The following RBBP4 variants were observed in gnomAD, a reference collection of about 807,000 sequenced individuals.
The protein encoded by RBBP4 is histone-binding protein RBBP4.
RBBP4 carries 3 observed loss-of-function variants against 57.2 expected under a neutral mutation model. The ratio of observed to expected loss-of-function variants is 0.05; its 90% CI spans 0.02 to 0.14. RBBP4 has a LOEUF of 0.14. Among genes scored for constraint, RBBP4 ranks in the 10% least tolerant of loss-of-function variants. The probability of loss-of-function intolerance (pLI) is 1.00; values close to 1 mark genes in which losing one functional copy is unlikely to be tolerated. For synonymous variants in RBBP4, 151 were observed against 171.5 expected, an observed-to-expected ratio of 0.88 and a Z score of 0.93; for missense variants, 107 against 520.6, an observed-to-expected ratio of 0.21 and a Z score of 7.73.
At position 32,651,878 on chromosome 1, in the gene RBBP4, T is replaced by G. The variant is rs758028894; in HGVS notation, c.17-36T>G. 2.7e-5 allele frequency: 44 copies of G among 1,604,960 alleles called. No individual in the cohort carries two copies. The South Asian group carries it at 3.7e-4, about 13-fold the overall frequency. ...TGCAGAGGATTACTCGGTTTCCGTT[T>G]GTTTGCTAACTTAAATTTGTTTTTA... On this transcript the variant is annotated intron_variant, in intron 1 of 11. Transcript: ENST00000373493.
intron 11 of RBBP4, among the ~76,000 whole-genome samples, chr1:32,676,944 A>G (rs539544023): frequency 6.6e-6 from 1 of 151,170 alleles, no homozygotes; most frequent in East Asian, 1.9e-4. Context: ...CCCTGTCTCA[A>G]AAAAAAAATA....
rs367655949 is a variant in RBBP4, at chr1:32,652,677, G to A, written c.164+616G>A. On this transcript the variant is annotated intron_variant, in intron 2 of 11. Transcript: ENST00000373493. ...TGCCTAAGCCCTCCCAAGTAGCTGG[G>A]ATTACAGGCACCTGCCACCACGCCT... 1.7e-3 allele frequency among the ~76,000 whole-genome samples: 263 copies of A among 152,178 alleles called. 1 individual carries two copies. The highest frequency in any genetic ancestry group is 5.7e-3 in the African/African-American group (236 of 41,534).
Position 32,672,559 on chromosome 1 carries a change from ATTATTTCCT to A in RBBP4, c.1043+40_1043+48del, listed in dbSNP as rs753744619. The A allele has an allele frequency of 8.8e-6, 14 of 1,595,308 alleles. No homozygotes were observed. The Middle Eastern group carries it at 5.0e-4, about 57-fold the overall frequency. On this transcript the variant is annotated intron_variant, in intron 9 of 11. Transcript: ENST00000373493. ...TTGTATTCATTCCTCTCTCTACATA[ATTATTTCCT>A]TTATTTACACTTTGCAAAGGTAGTT...
At chr1:32,661,213 G>A (rs1032025412) in intron 3 of RBBP4, among the ~76,000 whole-genome samples, 1 of 151,934 alleles carries the variant, frequency 6.6e-6, no homozygotes, top group Non-Finnish European at 1.5e-5. Context: ...ACAAGTGCAC[G>A]TGTCTTTTTT....
chr1:32,678,682 C>T (rs1315736816), intron 11 of RBBP4, among the ~76,000 whole-genome samples: 1 of 136,812 alleles, frequency 7.3e-6, no homozygotes, highest in African/African-American at 2.7e-5. Flanking sequence ...CACCACCTCC[C>T]AGGTTCAATC....
Position 32,669,628 on chromosome 1 carries a change from C to G in RBBP4, c.966+65C>G. ...AAAACCTGCTGGGCGCGGTCGCTCACGCCTGTAATCCCAGCACTTTGGGAG... is the reference window on the plus strand; with the variant it reads ...AAAACCTGCTGGGCGCGGTCGCTCAGGCCTGTAATCCCAGCACTTTGGGAG... On this transcript the variant is annotated intron_variant, in intron 8 of 11. Coordinates refer to ENST00000373493, the MANE Select transcript of RBBP4 (RefSeq NM_005610.3). This position sits in a 1 kb window ranked among gnomAD's most constrained non-coding sequence, Gnocchi z 4.9. 2 of 1,535,056 alleles carry G rather than the reference C, an allele frequency of 1.3e-6. No individual in the cohort carries two copies. The highest frequency in any genetic ancestry group is 1.7e-6 in the Non-Finnish European group (2 of 1,144,728).
intron 1 of RBBP4, 41 bp from the exon 2 acceptor site, chr1:32,651,873 C>T (rs745516689): frequency 1.9e-6 from 3 of 1,598,158 alleles, no homozygotes; most frequent in African/African-American, 1.3e-5. Flanking sequence ...TACTCGGTTT[C>T]CGTTTGTTTG....
intron 2 of RBBP4, 123 bp from the exon 3 acceptor site, chr1:32,657,304 A>G (rs1258283824): frequency 4.4e-6 from 4 of 912,146 alleles, no homozygotes; most frequent in Non-Finnish European, 6.6e-6. Flanking sequence ...AAAGACCCTT[A>G]ATGACTTTTT....
Position 32,684,230 on chromosome 1 carries a change from T to A in RBBP4, c.*4525T>A. ...CACCATCCCCTCAGCCAGTATTAGA[T>A]GAGATTTGTATAGCAGCAGAAACTG... On this transcript the variant is annotated 3_prime_UTR_variant, in exon 12 of 12. Coordinates refer to ENST00000373493, the MANE Select transcript of RBBP4 (RefSeq NM_005610.3). 1 of 1,611,476 alleles carries A rather than the reference T, an allele frequency of 6.2e-7. No homozygotes were observed. Among genetic ancestry groups the A allele is most frequent in the Non-Finnish European group, 8.5e-7 (1 of 1,177,562 alleles).
chr1:32,681,694 G>A lies in RBBP4; in HGVS notation c.*1989G>A, dbSNP rs1570885126. 8.8e-7 allele frequency: 1 copy of A among 1,131,844 alleles called. No homozygotes were observed. The highest frequency in any genetic ancestry group is 2.1e-5 in the Admixed American group (1 of 46,858). 70.1% of individuals were successfully genotyped at this position (1,131,844 alleles called of 1,614,324 possible). ...CCGGCCAACTCTAGAATCTTTTTAA[G>A]CAGGTCAGCCAGTATTTGCAACTTC... On this transcript the variant is annotated 3_prime_UTR_variant, in exon 12 of 12. Transcript: ENST00000373493.
intron 3 of RBBP4, among the ~76,000 whole-genome samples, chr1:32,666,674 C>T (rs1261984509): frequency 6.6e-6 from 1 of 152,064 alleles, no homozygotes; most frequent in African/African-American, 2.4e-5. Context: ...TTATTAAGAT[C>T]TGTTTTTGAA....
At chr1:32,662,994 TAAAAA>T (rs1216684741) in intron 3 of RBBP4, among the ~76,000 whole-genome samples, 2 of 151,908 alleles carry the variant, frequency 1.3e-5, no homozygotes, top group Non-Finnish European at 1.5e-5. Context: ...CAAAAAAACA[TAAAAA>T]TAAATAAAAA....
intron 3 of RBBP4, among the ~76,000 whole-genome samples, chr1:32,664,239 T>C (rs1367056418): frequency 6.6e-6 from 1 of 152,184 alleles, no homozygotes; most frequent in African/African-American, 2.4e-5. Flanking sequence ...CCCAGTAACA[T>C]TGGGCCGGCC....
At chr1:32,662,786 C>T (rs1648480868) in intron 3 of RBBP4, among the ~76,000 whole-genome samples, 1 of 151,644 alleles carries the variant, frequency 6.6e-6, no homozygotes. Context: ...GAGTTCAAGA[C>T]CAGCTTGGCC....
chr1:32,672,962 A>C (rs1255983860), intron 11 of RBBP4, 61 bp downstream of exon 11: 4 of 1,324,036 alleles, frequency 3.0e-6, no homozygotes, highest in African/African-American at 1.5e-5. Context: ...ATCAATTTAC[A>C]TTTGTATATT....
intron 11 of RBBP4, among the ~76,000 whole-genome samples, chr1:32,677,535 G>A (rs185989098): frequency 5.3e-5 from 8 of 152,090 alleles, no homozygotes; most frequent in Non-Finnish European, 1.0e-4. Context: ...CTTGGGTTCT[G>A]TGAGTCATTC....
chr1:32,652,992 A>G (rs539489355), intron 2 of RBBP4, among the ~76,000 whole-genome samples: 12 of 152,334 alleles, frequency 7.9e-5, no homozygotes, highest in African/African-American at 2.9e-4. Context: ...GGGTACCTAG[A>G]AAACACCTGA....
At position 32,683,280 on chromosome 1, in the gene RBBP4, AAAAAAG is replaced by A. The variant is rs1428150771; in HGVS notation, c.*3577_*3582del. The A allele has an allele frequency of 1.3e-5, 2 of 152,124 alleles. No individual in the cohort carries two copies. The highest frequency in any genetic ancestry group is 2.4e-5 in the African/African-American group (1 of 41,380). The allele number at this position is 152,124 out of a possible 1,614,324, so 9.4% of individuals were successfully genotyped here. On this transcript the variant is annotated 3_prime_UTR_variant, in exon 12 of 12. Coordinates refer to ENST00000373493, the MANE Select transcript of RBBP4 (RefSeq NM_005610.3). ...ACTCCGTCTCAAAAAAAAAAAAAAA[AAAAAAG>A]AGTAAGTCTGTGTAACATGAACATC...
At chr1:32,651,546 G>GT in intron 1 of RBBP4, 1 of 1,218,942 alleles carries the variant, frequency 8.2e-7, no homozygotes, top group Non-Finnish European at 1.1e-6. Context: ...CCCGGCCAGT[G>GT]TTTGTTTCTC....
Sources: allele counts gnomAD v4.1 joint callset (sites outside exome capture counted in the v4.1 genomes callset), GRCh38; gene constraint gnomAD v4.1.1; non-coding constraint Gnocchi (gnomAD v3.1); transcripts MANE v1.5; gene names NCBI Gene and HGNC (gene_info 2026-07-23, HGNC 2026-07-21).